The following OR51B5 variants were observed in gnomAD, a reference collection of about 807,000 sequenced individuals.
OR51B5 encodes olfactory receptor family 51 subfamily B member 5.
For synonymous variants in OR51B5, 186 were observed against 144.8 expected (o/e 1.28, Z -2.04); for missense variants, 456 against 374.6 (o/e 1.22, Z -1.79).
chr11:5,359,870 C>T (rs1390103381), intron 1 of OR51B5, among the ~76,000 whole-genome samples: 2 of 151,980 alleles, frequency 1.3e-5, no homozygotes, highest in African/African-American at 4.8e-5. Flanking sequence ...CTTTGACAAA[C>T]CTGACAAAAA....
In OR51B5 at chr11:5,453,657, G is replaced by A. The variant is rs780911656; in HGVS notation, n.84+51912C>T. The A allele has an allele frequency of 7.3e-5, 117 of 1,613,364 alleles. 2 individuals are homozygous for A. The Admixed American group carries it at 1.2e-3, about 16-fold the overall frequency. ...TGTGCGAGTGGAGCCCAGCCTCCAT[G>A]AGCCCATGTACTACTTCCTGTCCAT... On this transcript the variant is annotated intron_variant and non_coding_transcript_variant, in intron 1 of 4. Transcript: ENST00000415970.
chr11:5,422,491 G>A (rs780643126), intron 1 of OR51B5: 2 of 1,614,138 alleles, frequency 1.2e-6, no homozygotes, highest in South Asian at 2.2e-5. Context: ...TCAGCTCTGA[G>A]GCCTGTTTTG....
At chr11:5,424,670 T>A (rs1233940676) in intron 1 of OR51B5, among the ~76,000 whole-genome samples, 2 of 152,030 alleles carry the variant, frequency 1.3e-5, no homozygotes, top group African/African-American at 2.4e-5. Context: ...GCCTCCTGTC[T>A]CTGTAAGTAG....
intron 1 of OR51B5, among the ~76,000 whole-genome samples, chr11:5,430,339 T>C (rs1175708778): frequency 2.0e-5 from 3 of 152,202 alleles, no homozygotes; most frequent in African/African-American, 4.8e-5. Context: ...ACTTACTATT[T>C]GTCAGGCTTT....
intron 1 of OR51B5, among the ~76,000 whole-genome samples, chr11:5,363,804 C>T (rs1849324148): frequency 6.6e-6 from 1 of 152,102 alleles, no homozygotes; most frequent in Admixed American, 6.5e-5. Flanking sequence ...GCAATACATC[C>T]AGACTATATT....
At chr11:5,440,417 G>C (rs1480460844) in intron 1 of OR51B5, among the ~76,000 whole-genome samples, 1 of 152,140 alleles carries the variant, frequency 6.6e-6, no homozygotes, top group East Asian at 1.9e-4. Context: ...GAATAAATAT[G>C]TATGCCATTT....
intron 1 of OR51B5, among the ~76,000 whole-genome samples, chr11:5,369,664 C>T (rs1849421840): frequency 6.6e-6 from 1 of 152,100 alleles, no homozygotes; most frequent in African/African-American, 2.4e-5. Flanking sequence ...GATAATTTCC[C>T]TTTATAATCT....
chr11:5,413,947 T>C (rs1850191948), intron 1 of OR51B5, among the ~76,000 whole-genome samples: 1 of 145,806 alleles, frequency 6.9e-6, no homozygotes, highest in African/African-American at 2.5e-5. Flanking sequence ...ACAAAGATAC[T>C]CCTCGAGAAG....
At chr11:5,410,802 G>T (rs1011642238) in intron 1 of OR51B5, among the ~76,000 whole-genome samples, 1 of 150,522 alleles carries the variant, frequency 6.6e-6, no homozygotes, top group African/African-American at 2.4e-5. Flanking sequence ...AGGCTAATGT[G>T]TGTGTCCATG....
At chr11:5,360,162 A>G (rs76273736) in intron 1 of OR51B5, among the ~76,000 whole-genome samples, 3,695 of 146,102 alleles carry the variant, frequency 0.025, 75 homozygotes, top group Non-Finnish European at 0.038. Context: ...ATTAAACTAA[A>G]GAGCTTCTGC....
At chr11:5,469,421 A>T (rs974384504) in intron 1 of OR51B5, 2 of 152,246 alleles carry the variant, frequency 1.3e-5, no homozygotes, top group African/African-American at 4.8e-5. Context: ...AAAGCCCCCC[A>T]TCAGGGTTTC....
intron 1 of OR51B5, among the ~76,000 whole-genome samples, chr11:5,361,389 T>C (rs1849281846): frequency 6.6e-6 from 1 of 152,170 alleles, no homozygotes; most frequent in African/African-American, 2.4e-5. Context: ...TAATTTTCTT[T>C]GCAGCTTGGC....
chr11:5,414,540 C>T (rs1247187709), intron 1 of OR51B5, among the ~76,000 whole-genome samples: 1 of 151,906 alleles, frequency 6.6e-6, no homozygotes. Context: ...GGAAACCCAT[C>T]TCACATGCAG....
chr11:5,353,208 G>A (rs1564917159), intron 1 of OR51B5, among the ~76,000 whole-genome samples: 1 of 152,104 alleles, frequency 6.6e-6, no homozygotes, highest in Non-Finnish European at 1.5e-5. Context: ...TCTAGGGAAA[G>A]TATCTCTATG....
intron 1 of OR51B5, among the ~76,000 whole-genome samples, chr11:5,360,001 G>C (rs2133696605): frequency 6.6e-6 from 1 of 152,284 alleles, no homozygotes; most frequent in African/African-American, 2.4e-5. Context: ...ATTCAAGATG[G>C]ATTACAGACT....
intron 1 of OR51B5, among the ~76,000 whole-genome samples, chr11:5,475,802 C>A (rs775560312): frequency 6.6e-6 from 1 of 152,166 alleles, no homozygotes; most frequent in Non-Finnish European, 1.5e-5. Context: ...CCAAAACCAT[C>A]AGCATAACAG....
chr11:5,421,527 CCT>C (rs1282928376), intron 1 of OR51B5, among the ~76,000 whole-genome samples: 11 of 152,228 alleles, frequency 7.2e-5, no homozygotes, highest in East Asian at 1.9e-4. Context: ...CTGACTATTT[CCT>C]CTCTTTCTCT....
intron 1 of OR51B5, among the ~76,000 whole-genome samples, chr11:5,443,908 A>T (rs1850728239): frequency 6.6e-6 from 1 of 151,998 alleles, no homozygotes; most frequent in African/African-American, 2.4e-5. Context: ...AAAAATATAC[A>T]TTTTTACACT....
In OR51B5 at chr11:5,501,133, G is replaced by A. The variant is rs551631456; in HGVS notation, n.84+4436C>T. ...AGGTGTATGGAGGGCTGAAAAGCCT[G>A]TTAGCTACTATGGGGCACCAGGACT... On this transcript the variant is annotated intron_variant and non_coding_transcript_variant, in intron 1 of 4. Coordinates refer to the OR51B5 transcript ENST00000415970. Among the ~76,000 whole-genome samples, 3 of 148,080 alleles carry A rather than the reference G, an allele frequency of 2.0e-5. No individual in the cohort carries two copies. In the East Asian group the frequency reaches 5.9e-4, roughly 29 times the overall value.
Sources: allele counts gnomAD v4.1 joint callset (sites outside exome capture counted in the v4.1 genomes callset), GRCh38; gene constraint gnomAD v4.1.1; transcripts MANE v1.5; gene names NCBI Gene and HGNC (gene_info 2026-07-23, HGNC 2026-07-21).